Variants in PLEKHO1 observed in about 807,000 individuals in gnomAD.
PLEKHO1 encodes the protein pleckstrin homology domain containing O1, also known as pleckstrin homology domain-containing family O member 1.
A neutral mutation model predicts 41.4 loss-of-function variants in PLEKHO1; 22 were observed. The ratio of observed to expected loss-of-function variants is 0.53; its 90% CI spans 0.38 to 0.76. The LOEUF is 0.76. Ranked by LOEUF, PLEKHO1 falls within the 30% of genes least tolerant of loss-of-function variation. The probability of loss-of-function intolerance (pLI) is 0.00; values close to 1 mark genes in which losing one functional copy is unlikely to be tolerated. For missense variants in PLEKHO1, 488 were observed against 518.3 expected (o/e 0.94, Z 0.57); for synonymous variants, 225 against 210.8 (o/e 1.07, Z -0.58).
At position 150,155,647 on chromosome 1, in the gene PLEKHO1, T is replaced by C. The variant is rs185058607; in HGVS notation, c.178-419T>C. 1.6e-3 allele frequency: 247 copies of C among 155,350 alleles called. 1 individual carries two copies. The highest frequency in any genetic ancestry group is 3.2e-3 in the Middle Eastern group (1 of 310). The allele number at this position is 155,350 out of a possible 1,614,324, so 9.6% of individuals were successfully genotyped here. A position where few individuals can be genotyped will look rare whatever the true frequency, so the allele number is the denominator to read the frequency against. On this transcript the variant is annotated intron_variant, in intron 2 of 5. Transcript: ENST00000369124. ...ATAACTGGCCCTGCCTTGATCTTCT[T>C]TCTGTGGACCATCAAGGGCCATACA... is the stretch of plus-strand genomic sequence containing the variant.
chr1:150,159,571 C>A lies in PLEKHO1; in HGVS notation c.*48C>A. 1 of 1,249,470 alleles carries A rather than the reference C, an allele frequency of 8.0e-7. No individual in the cohort carries two copies. The highest frequency in any genetic ancestry group is 1.5e-5 in the South Asian group (1 of 67,900). The allele number at this position is 1,249,470 out of a possible 1,614,324, so 77.4% of individuals were successfully genotyped here. On this transcript the variant is annotated 3_prime_UTR_variant, in exon 6 of 6. Coordinates refer to ENST00000369124, the MANE Select transcript of PLEKHO1 (RefSeq NM_016274.6). Reference sequence around the variant, plus strand: ...TGTCGGGTTGGACAGACTCTTATCTCCGTGTTGCTGGATAAAGCTTTTTTA... The same window carrying A: ...TGTCGGGTTGGACAGACTCTTATCTACGTGTTGCTGGATAAAGCTTTTTTA...
chr1:150,155,074 ATGTCAC>A (rs1660110014), intron 2 of PLEKHO1: 1 of 152,266 alleles, frequency 6.6e-6, no homozygotes, highest in Non-Finnish European at 1.5e-5. Flanking sequence ...GGGTTGGAGA[ATGTCAC>A]TAGGAATGCG....
Position 150,150,181 on chromosome 1 carries a change from GAGCCCC to G in PLEKHO1, c.-76_-71del. On this transcript the variant is annotated 5_prime_UTR_variant, in exon 1 of 6. Coordinates refer to ENST00000369124, the MANE Select transcript of PLEKHO1 (RefSeq NM_016274.6). The stretch of plus-strand genomic sequence containing the variant: ...GCTCCGACGCCCTCCCGCGGGGAAG[GAGCCCC>G]CGCGGTGCCGCCGAGGCCCCGACGC... 1.6e-6 allele frequency: 1 copy of G among 643,816 alleles called. No homozygotes were observed. The highest frequency in any genetic ancestry group is 2.0e-6 in the Non-Finnish European group (1 of 512,462). 39.9% of individuals were successfully genotyped at this position (643,816 alleles called of 1,614,324 possible).
intron 2 of PLEKHO1, 65 bp downstream of exon 2, chr1:150,151,123 C>A: frequency 6.3e-7 from 1 of 1,575,116 alleles, no homozygotes; most frequent in African/African-American, 1.3e-5. Flanking sequence ...TCCCCAAGGG[C>A]TCGCCTAGCT....
rs1320901695 is a variant in PLEKHO1, at chr1:150,150,136, G to A, written c.-122G>A. 7.8e-6 allele frequency: 2 copies of A among 256,782 alleles called. No individual in the cohort carries two copies. Among genetic ancestry groups the A allele is most frequent in the Non-Finnish European group, 1.2e-5 (2 of 160,946 alleles). 15.9% of individuals were successfully genotyped at this position (256,782 alleles called of 1,614,324 possible). On this transcript the variant is annotated 5_prime_UTR_variant, in exon 1 of 6. Coordinates refer to ENST00000369124, the MANE Select transcript of PLEKHO1 (RefSeq NM_016274.6). The stretch of plus-strand genomic sequence containing the variant: ...TCCGGGAGCGGGAGGGCGCGAGGGA[G>A]GAGCGGCGGCGCCGGGGCAGCTCCG...
At chr1:150,152,288 A>C (rs1009732799) in intron 2 of PLEKHO1, among the ~76,000 whole-genome samples, 1 of 152,166 alleles carries the variant, frequency 6.6e-6, no homozygotes, top group Admixed American at 6.6e-5. Flanking sequence ...AAAACTAGCA[A>C]GTTGGTGATG....
Position 150,156,092 on chromosome 1 carries a change from G to C in PLEKHO1, c.204G>C (p.Glu68Asp). Residue 68 changes from glutamate (E) to aspartate (D), a missense_variant, in exon 3 of 6, where the codon GAG (glutamate) becomes GAC (aspartate). Glu to Asp is a conservative substitution (Grantham distance 45, BLOSUM62 2). This residue lies in a region of PLEKHO1 where 92 missense variants were observed against 82.3 expected (regional missense o/e 1.12). Transcript: ENST00000369124. ...KEVKDEKNIQ[E>D]VFDLSDYEKC... ...TAAAAGATGAGAAAAATATTCAAGA[G>C]GTATTTGACCTGAGTGACTATGAGA... 6.2e-7 allele frequency: 1 copy of C among 1,613,306 alleles called. No homozygotes were observed. The highest frequency in any genetic ancestry group is 8.5e-7 in the Non-Finnish European group (1 of 1,179,476).
At chr1:150,151,356 C>A (rs1214646109) in intron 2 of PLEKHO1, among the ~76,000 whole-genome samples, 2 of 152,228 alleles carry the variant, frequency 1.3e-5, no homozygotes, top group East Asian at 1.9e-4. Flanking sequence ...CTGCCTCCCA[C>A]CCTAACCTGG....
chr1:150,157,087 G>A (rs1660203226), intron 4 of PLEKHO1, 72 bp downstream of exon 4: 1 of 997,546 alleles, frequency 1.0e-6, no homozygotes, highest in Admixed American at 1.7e-5. Flanking sequence ...ACTGAAGGGG[G>A]AGGATTGTGC....
At position 150,159,017 on chromosome 1, in the gene PLEKHO1, C is replaced by T. The variant is rs1302776240; in HGVS notation, c.724C>T (p.Arg242Ter). ...PSADRASSLS[R>*]PWEKTDKGAT... is the part of the protein sequence containing the mutation. ...CGCAGACCGGGCAAGCAGTCTCTCCCGACCTTGGGAAAAAACAGACAAAGG... is the reference window on the plus strand; with the variant it reads ...CGCAGACCGGGCAAGCAGTCTCTCCTGACCTTGGGAAAAAACAGACAAAGG... Residue 242 changes from arginine to a stop codon, truncating the protein, a stop_gained, in exon 6 of 6, where the codon CGA (arginine) becomes TGA (stop). Coordinates refer to ENST00000369124, the MANE Select transcript of PLEKHO1 (RefSeq NM_016274.6). LOFTEE classifies it high-confidence loss of function. 6 of 1,613,978 alleles carry T rather than the reference C, an allele frequency of 3.7e-6. No individual in the cohort carries two copies. Among genetic ancestry groups the T allele is most frequent in the African/African-American group, 1.3e-5 (1 of 74,912 alleles).
At chr1:150,152,119 G>T (rs979827282) in intron 2 of PLEKHO1, among the ~76,000 whole-genome samples, 3 of 152,042 alleles carry the variant, frequency 2.0e-5, no homozygotes, top group Admixed American at 2.0e-4. Context: ...ATTATATTTA[G>T]GTAAATAAAA....
intron 2 of PLEKHO1, chr1:150,152,698 A>AAAC (rs1659996682): frequency 2.1e-5 from 3 of 141,764 alleles, no homozygotes; most frequent in Admixed American, 2.0e-4. Flanking sequence ...TAAAAAAAAA[A>AAAC]AAAAAAAAAA....
At chr1:150,155,308 C>G (rs1660119765) in intron 2 of PLEKHO1, 1 of 152,002 alleles carries the variant, frequency 6.6e-6, no homozygotes. Flanking sequence ...GTGTAGTCTC[C>G]CAGGGAGAGT....
At chr1:150,150,553 C>G (rs1174275522) in intron 1 of PLEKHO1, 9 of 172,528 alleles carry the variant, frequency 5.2e-5, no homozygotes, top group Non-Finnish European at 1.1e-4. Context: ...CCTCGCGCTC[C>G]GCCGTGGCGA....
At chr1:150,150,638 G>A (rs1659863745) in intron 1 of PLEKHO1, 2 of 397,172 alleles carry the variant, frequency 5.0e-6, no homozygotes, top group Non-Finnish European at 9.2e-6. Flanking sequence ...GGGGGCGCAG[G>A]GCCTGGAGGG....
At chr1:150,155,976 CCT>C (rs1197991919) in intron 2 of PLEKHO1, 88 bp from the exon 3 acceptor site, 1 of 1,270,768 alleles carries the variant, frequency 7.9e-7, no homozygotes, top group Non-Finnish European at 1.1e-6. Context: ...CCTCAGGCTT[CCT>C]CTGTTTCCCA....
chr1:150,151,927 C>T (rs587743488), intron 2 of PLEKHO1, among the ~76,000 whole-genome samples: 4 of 152,248 alleles, frequency 2.6e-5, no homozygotes, highest in East Asian at 1.9e-4. Context: ...CATTCCCTGC[C>T]TCTGTGACTG....
intron 3 of PLEKHO1, 57 bp downstream of exon 3, chr1:150,156,263 G>A: frequency 1.4e-6 from 2 of 1,447,558 alleles, no homozygotes; most frequent in Non-Finnish European, 1.9e-6. Flanking sequence ...GAGGGGGCAG[G>A]GGAGAACTCC....
At chr1:150,157,558 C>G in intron 5 of PLEKHO1, 72 bp downstream of exon 5, 1 of 1,061,120 alleles carries the variant, frequency 9.4e-7, no homozygotes, top group African/African-American at 1.6e-5. Context: ...GAACTGTATG[C>G]CACCAGAGGC....
Sources: gnomAD v4.1 joint callset for allele counts (sites outside exome capture counted in the v4.1 genomes callset) on GRCh38, gnomAD v4.1.1 for gene constraint, gnomAD v4.1.1 regional missense constraint, MANE v1.5 for transcripts, NCBI Gene and HGNC (gene_info 2026-07-23, HGNC 2026-07-21) for gene names.